Variants in CYP19A1 observed in about 807,000 individuals in gnomAD.
The protein encoded by CYP19A1 is cytochrome P450 family 19 subfamily A member 1, also known as aromatase.
CYP19A1 carries 32 observed loss-of-function variants against 44.4 expected under a neutral mutation model. That is an observed-to-expected ratio of 0.72 (90% CI 0.54 to 0.97). The LOEUF is 0.97. Among genes scored for constraint, CYP19A1 ranks in the 50% least tolerant of loss-of-function variants. The pLI is 0.00. For missense variants in CYP19A1, 598 were observed against 637.8 expected, an observed-to-expected ratio of 0.94 and a Z score of 0.67; for synonymous variants, 212 against 215.6, an observed-to-expected ratio of 0.98 and a Z score of 0.14.
chr15:51,226,492 A>C (rs2032589486), intron 4 of CYP19A1, among the ~76,000 whole-genome samples: 1 of 152,230 alleles, frequency 6.6e-6, no homozygotes. Context: ...AGTTGTGCTG[A>C]GTCCTGGTGA....
At position 51,210,812 on chromosome 15, in the gene CYP19A1, T is replaced by C; in HGVS notation, c.1508A>G (p.His503Arg). 3.8e-6 allele frequency: 6 copies of C among 1,582,588 alleles called. No individual in the cohort carries two copies. Among genetic ancestry groups the C allele is most frequent in the Non-Finnish European group, 5.2e-6 (6 of 1,151,020 alleles). ...GTGGGTACTGACCAGCCTTCTCTAG[T>C]GTTCCAGACACCTGTCTGAGTTTCT... The part of the protein sequence containing the change: ...TPRNSDRCLE[H>R] The change falls in exon 10 of 10, where the codon CAC becomes CGC. Residue 503 changes from histidine to arginine, a missense_variant. Physicochemically the swap from His to Arg is conservative, Grantham distance 29. Coordinates refer to ENST00000396402, the MANE Select transcript of CYP19A1 (RefSeq NM_000103.4).
Position 51,218,537 on chromosome 15 carries a change from T to C in CYP19A1, c.743+4A>G. On this transcript the variant is annotated splice_donor_region_variant and intron_variant, in intron 6 of 9. Transcript: ENST00000396402. ...CATAAATCTTCCAAAGTTGTATTAC[T>C]TACACAGACTTCTCATACTTTTTGT... The C allele has an allele frequency of 1.9e-6, 3 of 1,611,536 alleles. No homozygotes were observed. Among genetic ancestry groups the C allele is most frequent in the East Asian group, 2.2e-5 (1 of 44,766 alleles).
intron 1 of CYP19A1, chr15:51,278,256 G>A (rs2035395221): frequency 6.6e-6 from 1 of 152,074 alleles, no homozygotes; most frequent in African/African-American, 2.4e-5. Flanking sequence ...CTGAATGTTT[G>A]GCTTTTGTAA....
At chr15:51,279,312 C>T (rs1053854681) in intron 1 of CYP19A1, among the ~76,000 whole-genome samples, 5 of 152,164 alleles carry the variant, frequency 3.3e-5, no homozygotes, top group Non-Finnish European at 5.9e-5. Flanking sequence ...AACCCCACTG[C>T]GCAGGAGAGG....
intron 1 of CYP19A1, among the ~76,000 whole-genome samples, chr15:51,283,813 C>T (rs531913036): frequency 6.6e-6 from 1 of 152,274 alleles, no homozygotes; most frequent in South Asian, 2.1e-4. Flanking sequence ...CTCAACAAAC[C>T]GAGGCATACC....
chr15:51,247,626 C>T (rs1212897902), intron 1 of CYP19A1, among the ~76,000 whole-genome samples: 1 of 152,116 alleles, frequency 6.6e-6, no homozygotes, highest in East Asian at 1.9e-4. Context: ...TATGCACCAC[C>T]ATGCCCAGTT....
intron 1 of CYP19A1, among the ~76,000 whole-genome samples, chr15:51,323,392 A>G (rs979939285): frequency 3.9e-5 from 6 of 152,210 alleles, no homozygotes; most frequent in African/African-American, 7.2e-5. Flanking sequence ...AAGAAAGTAA[A>G]GTAAATAGTA....
chr15:51,267,513 T>G (rs2034966709), intron 1 of CYP19A1, among the ~76,000 whole-genome samples: 2 of 152,134 alleles, frequency 1.3e-5, no homozygotes, highest in African/African-American at 4.8e-5. Flanking sequence ...GTCCCTTGGC[T>G]GTACGCCGAG....
chr15:51,313,829 A>G (rs2036367306), intron 1 of CYP19A1, among the ~76,000 whole-genome samples: 1 of 151,778 alleles, frequency 6.6e-6, no homozygotes. Flanking sequence ...AGGATCACAC[A>G]AGAGCAGGTT....
chr15:51,278,762 T>C (rs1378189022), intron 1 of CYP19A1, among the ~76,000 whole-genome samples: 4 of 152,172 alleles, frequency 2.6e-5, no homozygotes, highest in Non-Finnish European at 2.9e-5. Flanking sequence ...AGATATGGCA[T>C]CCTCTGAGGG....
intron 1 of CYP19A1, among the ~76,000 whole-genome samples, chr15:51,244,953 G>T (rs1328732685): frequency 6.6e-6 from 1 of 152,154 alleles, no homozygotes; most frequent in East Asian, 1.9e-4. Flanking sequence ...TTTTCACAAA[G>T]AAAGAAAACA....
intron 1 of CYP19A1, among the ~76,000 whole-genome samples, chr15:51,251,848 G>A (rs1398418987): frequency 6.6e-6 from 1 of 152,142 alleles, no homozygotes; most frequent in African/African-American, 2.4e-5. Flanking sequence ...GGACACTCTG[G>A]CAAGGAAGCT....
intron 1 of CYP19A1, among the ~76,000 whole-genome samples, chr15:51,288,699 T>C (rs28757123): frequency 1.3e-5 from 2 of 152,290 alleles, no homozygotes; most frequent in East Asian, 1.9e-4. Flanking sequence ...GCCTGCTCCT[T>C]GTTAAACGCA....
At chr15:51,264,381 G>C (rs139178268) in intron 1 of CYP19A1, among the ~76,000 whole-genome samples, 15 of 152,282 alleles carry the variant, frequency 9.9e-5, no homozygotes, top group African/African-American at 1.2e-4. Flanking sequence ...CAGGAGTCGG[G>C]GGGGAGGGTA....
intron 6 of CYP19A1, among the ~76,000 whole-genome samples, chr15:51,216,671 G>A (rs942164143): frequency 6.6e-6 from 1 of 152,174 alleles, no homozygotes; most frequent in Non-Finnish European, 1.5e-5. Flanking sequence ...TGCCTTGTTA[G>A]TTTCTGCCAC....
Position 51,239,634 on chromosome 15 carries a change from T to TAA in CYP19A1, c.146-2627_146-2626dup, listed in dbSNP as rs373481551. ...GATGTGAAATTATGTGGTAAAATGA[T>TAA]AAAAAAAAAAAGCAAGGGAGTGACT... is the stretch of plus-strand genomic sequence containing the variant. On this transcript the variant is annotated intron_variant, in intron 2 of 9. Transcript: ENST00000396402. Among the ~76,000 whole-genome samples, 570 of 141,082 alleles carry TAA rather than the reference T, an allele frequency of 4.0e-3. 3 individuals carry two copies. The highest frequency in any genetic ancestry group is 0.014 in the African/African-American group (549 of 38,860). The allele number at this position is 141,082 out of a possible 152,430, so 92.6% of individuals were successfully genotyped here.
chr15:51,313,510 C>T (rs2036357677), intron 1 of CYP19A1, among the ~76,000 whole-genome samples: 1 of 152,098 alleles, frequency 6.6e-6, no homozygotes, highest in South Asian at 2.1e-4. Context: ...CTATAAAAAA[C>T]TTAAGGCCAG....
chr15:51,224,189 C>A (rs1327153108), intron 4 of CYP19A1, among the ~76,000 whole-genome samples: 1 of 152,070 alleles, frequency 6.6e-6, no homozygotes, highest in South Asian at 2.1e-4. Context: ...TGGGTCATTG[C>A]CTAAGTTGCA....
At chr15:51,225,506 G>A (rs942283043) in intron 4 of CYP19A1, among the ~76,000 whole-genome samples, 7 of 152,296 alleles carry the variant, frequency 4.6e-5, no homozygotes, top group South Asian at 2.1e-4. Context: ...TCAGAAAGGC[G>A]AAGTGACTTG....
Sources: allele counts gnomAD v4.1 joint callset (sites outside exome capture counted in the v4.1 genomes callset), GRCh38; gene constraint gnomAD v4.1.1; transcripts MANE v1.5; gene names NCBI Gene and HGNC (gene_info 2026-07-23, HGNC 2026-07-21).